AGBL4: variants seen among roughly 807,000 people sequenced by gnomAD.
AGBL4 encodes the protein AGBL carboxypeptidase 4.
In AGBL4, 58 loss-of-function variants were observed where a neutral mutation model predicts 66.4. The observed-to-expected ratio is 0.87, with a 90% CI of 0.71 to 1.09. The LOEUF (loss-of-function observed/expected upper bound fraction) is 1.09, where lower values mean the gene tolerates loss of function less well. Ranked by LOEUF, AGBL4 falls within the 50% of genes least tolerant of loss-of-function variation. AGBL4 has a pLI of 0.00. For missense variants in AGBL4, 579 were observed against 631.0 expected, an observed-to-expected ratio of 0.92 and a Z score of 0.88; for synonymous variants, 234 against 222.9, an observed-to-expected ratio of 1.05 and a Z score of -0.44.
chr1:49,883,091 T>C (rs756021093), intron 1 of AGBL4, among the ~76,000 whole-genome samples: 9 of 152,178 alleles, frequency 5.9e-5, no homozygotes, highest in Non-Finnish European at 1.0e-4. Context: ...TTATAGTGAA[T>C]TTGTTCATAA....
rs1644066881 is a variant in AGBL4 at position 49,358,493 on chromosome 1, C to T, written c.283-112629G>A. Among the ~76,000 whole-genome samples the T allele has an allele frequency of 4.6e-5, 7 of 152,208 alleles. 1 individual carries two copies. In the South Asian group the frequency reaches 1.4e-3, roughly 32 times the overall value. On this transcript the variant is annotated intron_variant, in intron 3 of 13. Coordinates refer to ENST00000371839, the MANE Select transcript of AGBL4 (RefSeq NM_032785.4). ...ACCTTCTTTCCTAGTCTGTCTGCAT[C>T]TTATTATTGGACAGTGAGAACAAGC...
At chr1:49,450,024 G>C (rs1646242948) in intron 3 of AGBL4, among the ~76,000 whole-genome samples, 1 of 152,044 alleles carries the variant, frequency 6.6e-6, no homozygotes. Context: ...CTGGCTGCCA[G>C]GTAGACCTGC....
At chr1:49,218,646 T>C (rs987218195) in intron 4 of AGBL4, among the ~76,000 whole-genome samples, 2 of 152,204 alleles carry the variant, frequency 1.3e-5, no homozygotes, top group Admixed American at 1.3e-4. Context: ...AAATGATTAT[T>C]CAAAAATAAC....
At chr1:49,943,806 G>A (rs967067208) in intron 1 of AGBL4, among the ~76,000 whole-genome samples, 1 of 151,948 alleles carries the variant, frequency 6.6e-6, no homozygotes, top group Non-Finnish European at 1.5e-5. Flanking sequence ...GGGAGGGCAT[G>A]AATCTGGTGT....
At chr1:49,108,695 G>A (rs1376346426) in intron 4 of AGBL4, among the ~76,000 whole-genome samples, 1 of 152,162 alleles carries the variant, frequency 6.6e-6, no homozygotes, top group Non-Finnish European at 1.5e-5. Context: ...AATACAGTCA[G>A]CAGAGACAGG....
intron 1 of AGBL4, among the ~76,000 whole-genome samples, chr1:49,975,405 A>G (rs964337547): frequency 1.3e-5 from 2 of 152,206 alleles, no homozygotes; most frequent in African/African-American, 4.8e-5. Context: ...ATTCAAGGCA[A>G]GTATAAAAAA....
intron 2 of AGBL4, among the ~76,000 whole-genome samples, chr1:49,818,791 G>A (rs1645294432): frequency 6.6e-6 from 1 of 152,164 alleles, no homozygotes; most frequent in African/African-American, 2.4e-5. Context: ...ACAAGGCCCA[G>A]ATGTAAGAGC....
intron 3 of AGBL4, among the ~76,000 whole-genome samples, chr1:49,616,834 C>A (rs1002476645): frequency 6.6e-6 from 1 of 152,136 alleles, no homozygotes; most frequent in African/African-American, 2.4e-5. Flanking sequence ...CAAATCCAAT[C>A]AACGAATCTA....
chr1:49,052,976 G>A (rs1644246807), intron 4 of AGBL4, among the ~76,000 whole-genome samples: 1 of 152,126 alleles, frequency 6.6e-6, no homozygotes, highest in Admixed American at 6.6e-5. Context: ...CCTTGGGCCT[G>A]GGTTTCCCAA....
intron 4 of AGBL4, among the ~76,000 whole-genome samples, chr1:49,137,992 T>G (rs1333220442): frequency 1.3e-5 from 2 of 152,088 alleles, no homozygotes; most frequent in South Asian, 4.2e-4. Context: ...TACACGAAGA[T>G]AGGGAGCAGG....
intron 3 of AGBL4, among the ~76,000 whole-genome samples, chr1:49,470,329 A>C (rs1057418546): frequency 6.6e-6 from 1 of 152,004 alleles, no homozygotes; most frequent in African/African-American, 2.4e-5. Context: ...AGTTCCAGGC[A>C]ATGCTACCCT....
At chr1:48,641,451 C>A (rs536945941) in intron 8 of AGBL4, among the ~76,000 whole-genome samples, 1 of 152,000 alleles carries the variant, frequency 6.6e-6, no homozygotes, top group Non-Finnish European at 1.5e-5. Flanking sequence ...ATCATCATGA[C>A]GAGGAGATGT....
chr1:49,185,768 C>G (rs1021698866), intron 4 of AGBL4, among the ~76,000 whole-genome samples: 1 of 152,132 alleles, frequency 6.6e-6, no homozygotes, highest in African/African-American at 2.4e-5. Flanking sequence ...CCCGCCCTCG[C>G]ATCTCTTTTC....
intron 3 of AGBL4, among the ~76,000 whole-genome samples, chr1:49,290,395 A>G (rs1444485149): frequency 1.3e-5 from 2 of 152,184 alleles, no homozygotes; most frequent in Non-Finnish European, 2.9e-5. Flanking sequence ...TCACTGAAAC[A>G]TATTTAAAGC....
At chr1:49,403,608 T>C (rs1364311143) in intron 3 of AGBL4, among the ~76,000 whole-genome samples, 1 of 152,200 alleles carries the variant, frequency 6.6e-6, no homozygotes, top group African/African-American at 2.4e-5. Flanking sequence ...ATTTAGTTCA[T>C]TTGGTAAGGT....
At position 49,851,419 on chromosome 1, in the gene AGBL4, A is replaced by G. The variant is rs1571714781; in HGVS notation, c.134T>C (p.Ile45Thr). ...ACCACTTTCAAAGCAAGCATCAAAG[A>G]TAAGATGTCCTTTCTTGGGCTGTCC... ...YCGQPKKGHL[I>T]FDACFESGNL... The change falls in exon 2 of 14, where the codon ATC (isoleucine) becomes ACC (threonine). Residue 45 changes from isoleucine (I) to threonine (T), a missense_variant. By Grantham distance (89) the Ile-to-Thr change is moderately conservative. Coordinates refer to ENST00000371839, the MANE Select transcript of AGBL4 (RefSeq NM_032785.4). The G allele has an allele frequency of 1.9e-6, 3 of 1,549,798 alleles. No homozygotes were observed. Among genetic ancestry groups the G allele is most frequent in the East Asian group, 2.4e-5 (1 of 40,828 alleles).
chr1:48,802,568 C>T (rs536766141), intron 6 of AGBL4, among the ~76,000 whole-genome samples: 1 of 152,306 alleles, frequency 6.6e-6, no homozygotes, highest in African/African-American at 2.4e-5. Flanking sequence ...GATTAACTTT[C>T]ATTGAAAATT....
At chr1:49,392,698 TACACACACACACACAC>T (rs55786055) in intron 3 of AGBL4, among the ~76,000 whole-genome samples, 11 of 147,514 alleles carry the variant, frequency 7.5e-5, no homozygotes, top group African/African-American at 2.5e-4. Context: ...CAACTGTGTA[TACACACACACACACAC>T]ACACACACAC....
At chr1:49,801,455 T>A (rs886780006) in intron 2 of AGBL4, among the ~76,000 whole-genome samples, 6 of 152,166 alleles carry the variant, frequency 3.9e-5, no homozygotes, top group East Asian at 1.9e-4. Flanking sequence ...GATAAAAAAG[T>A]GTTGTTTCAA....
Sources: gnomAD v4.1 joint callset for allele counts (sites outside exome capture counted in the v4.1 genomes callset) on GRCh38, gnomAD v4.1.1 for gene constraint, MANE v1.5 for transcripts, NCBI Gene and HGNC (gene_info 2026-07-23, HGNC 2026-07-21) for gene names.